Variants in MGAT4A observed in about 807,000 individuals in gnomAD.
MGAT4A encodes the protein N-acetylglucosaminyltransferase IVa.
MGAT4A carries 33 observed loss-of-function variants against 74.1 expected under a neutral mutation model. The observed-to-expected ratio is 0.45, with a 90% CI of 0.34 to 0.60. The LOEUF is 0.60. Ranked by LOEUF, MGAT4A falls within the 20% of genes least tolerant of loss-of-function variation. The pLI, the probability that MGAT4A is intolerant of heterozygous loss-of-function variation, is 0.02. For synonymous variants in MGAT4A, 198 were observed against 210.4 expected (o/e 0.94, Z 0.51); for missense variants, 479 against 628.3 (o/e 0.76, Z 2.54).
chr2:98,625,859 G>A (rs765565058), intron 14 of MGAT4A, 24 bp from the exon 15 acceptor site: 2 of 1,518,440 alleles, frequency 1.3e-6, no homozygotes, highest in Admixed American at 3.4e-5. Context: ...ATCAATACTT[G>A]TTGGATACAC....
rs917823423 is a variant in MGAT4A, at chr2:98,622,048, G to A, written c.*3518C>T. ...CTGACTACACAGTATGGTACAGCGC[G>A]TGATGTGGAGAATGCATGAGACTAA... On this transcript the variant is annotated 3_prime_UTR_variant, in exon 16 of 16. Transcript: ENST00000393487. 3.3e-5 allele frequency: 33 copies of A among 985,328 alleles called. 2 individuals are homozygous for A. Among genetic ancestry groups the A allele is most frequent in the Middle Eastern group, 1.0e-3 (2 of 1,936 alleles). 61.0% of individuals were successfully genotyped at this position (985,328 alleles called of 1,614,324 possible).
chr2:98,644,350 G>A (rs546714994), intron 9 of MGAT4A, among the ~76,000 whole-genome samples: 11 of 152,242 alleles, frequency 7.2e-5, no homozygotes, highest in East Asian at 1.9e-4. Flanking sequence ...TTTTCCCTTC[G>A]TGTCTTACTA....
chr2:98,689,339 G>A (rs774519048), intron 2 of MGAT4A, among the ~76,000 whole-genome samples: 1 of 152,182 alleles, frequency 6.6e-6, no homozygotes, highest in Non-Finnish European at 1.5e-5. Context: ...AAAGCAGGTA[G>A]TATCACTATA....
rs1473282164 is a variant in MGAT4A, at chr2:98,624,937, C to G, written c.*629G>C. 3 of 984,978 alleles carry G rather than the reference C, an allele frequency of 3.0e-6. No homozygotes were observed. The East Asian group carries it at 3.4e-4, about 112-fold the overall frequency. 61.0% of individuals were successfully genotyped at this position (984,978 alleles called of 1,614,324 possible). A position where few individuals can be genotyped will look rare whatever the true frequency, so the allele number is the denominator to read the frequency against. On this transcript the variant is annotated 3_prime_UTR_variant, in exon 16 of 16. Coordinates refer to ENST00000393487, the MANE Select transcript of MGAT4A (RefSeq NM_012214.3). ...TATAAAAGTACTTCAATTAAGAAAT[C>G]CATCTATAATCAATCTTAAATGGCA...
intron 2 of MGAT4A, among the ~76,000 whole-genome samples, chr2:98,717,777 C>T (rs1322560984): frequency 1.3e-5 from 2 of 152,202 alleles, no homozygotes; most frequent in Non-Finnish European, 2.9e-5. Context: ...TCCTACACTA[C>T]GGCAAGGATA....
intron 14 of MGAT4A, among the ~76,000 whole-genome samples, chr2:98,626,087 A>G (rs1231495115): frequency 6.6e-6 from 1 of 152,224 alleles, no homozygotes; most frequent in Non-Finnish European, 1.5e-5. Context: ...ACAAATTAAA[A>G]AACAAAAATA....
intron 2 of MGAT4A, among the ~76,000 whole-genome samples, chr2:98,722,964 C>T (rs1041890313): frequency 2.1e-4 from 32 of 152,286 alleles, no homozygotes; most frequent in Non-Finnish European, 1.0e-4. Context: ...ACTCCTGCCC[C>T]ACTCTCACAA....
At chr2:98,728,593 C>A (rs1283603941) in intron 1 of MGAT4A, among the ~76,000 whole-genome samples, 1 of 151,870 alleles carries the variant, frequency 6.6e-6, no homozygotes, top group South Asian at 2.1e-4. Flanking sequence ...ATTAAAAATA[C>A]AAAAATTAGC....
chr2:98,662,860 T>C lies in MGAT4A; in HGVS notation c.537+186A>G, dbSNP rs72825745. ...TATTGACAACAAATATTACTATTCC[T>C]GGTTTGTAATTGCAGGACAGAAGTG... On this transcript the variant is annotated intron_variant, in intron 5 of 15. Transcript: ENST00000393487. Among the ~76,000 whole-genome samples, 1,396 of 152,342 alleles carry C rather than the reference T, an allele frequency of 9.2e-3. 8 individuals are homozygous for C. Among genetic ancestry groups the C allele is most frequent in the Non-Finnish European group, 0.015 (1,001 of 68,036 alleles).
intron 2 of MGAT4A, among the ~76,000 whole-genome samples, chr2:98,682,347 G>A (rs1353656683): frequency 6.7e-6 from 1 of 150,316 alleles, no homozygotes; most frequent in African/African-American, 2.5e-5. Flanking sequence ...GCTTGAACCC[G>A]GGAGGCAGAG....
intron 2 of MGAT4A, among the ~76,000 whole-genome samples, chr2:98,705,469 A>G (rs1702411864): frequency 6.6e-6 from 1 of 152,126 alleles, no homozygotes; most frequent in Admixed American, 6.5e-5. Flanking sequence ...GACGGTTCCA[A>G]TTTACAACTG....
chr2:98,636,567 G>A lies in MGAT4A; in HGVS notation c.1351C>T (p.His451Tyr). 6.2e-7 allele frequency: 1 copy of A among 1,613,824 alleles called. No individual in the cohort carries two copies. The highest frequency in any genetic ancestry group is 8.5e-7 in the Non-Finnish European group (1 of 1,179,746). ...SYLFHSGNQE[H>Y]PGDILLNTTV... ...GTGTTTAGCAGAATATCTCCAGGAT[G>A]TTCTTGGTTGCCGCTATGGAACAAA... The change falls in exon 13 of 16, where the codon CAT (histidine) becomes TAT (tyrosine). Residue 451 changes from histidine (H) to tyrosine (Y), a missense_variant. His to Tyr is a moderately conservative substitution (Grantham distance 83). Around this residue, in one of 3 missense-constraint regions of MGAT4A, gnomAD observed 236 missense variants for 308.2 expected, o/e 0.77. Transcript: ENST00000393487.
intron 10 of MGAT4A, among the ~76,000 whole-genome samples, chr2:98,641,990 T>C (rs1026498612): frequency 8.1e-5 from 12 of 147,568 alleles, no homozygotes; most frequent in African/African-American, 2.3e-4. Context: ...AGCAAAACTC[T>C]GTCTCAAAAA....
intron 1 of MGAT4A, chr2:98,726,948 A>T (rs1026433180): frequency 6.6e-6 from 1 of 152,076 alleles, no homozygotes; most frequent in Non-Finnish European, 1.5e-5. Context: ...ATAATAGGAA[A>T]TTTTTTTAAT....
At position 98,726,421 on chromosome 2, in the gene MGAT4A, T is replaced by A; in HGVS notation, c.-89A>T. 1 of 1,029,572 alleles carries A rather than the reference T, an allele frequency of 9.7e-7. No individual in the cohort carries two copies. The highest frequency in any genetic ancestry group is 1.5e-6 in the Non-Finnish European group (1 of 687,964). The allele number at this position is 1,029,572 out of a possible 1,614,324, so 63.8% of individuals were successfully genotyped here. On this transcript the variant is annotated 5_prime_UTR_variant, in exon 2 of 16. Coordinates refer to ENST00000393487, the MANE Select transcript of MGAT4A (RefSeq NM_012214.3). ...TACCCTGAAAGTCAACTGAATGCAG[T>A]ACTCCTGGCTCTAGGCCAATAAAAA...
At chr2:98,676,946 G>C (rs546895421) in intron 3 of MGAT4A, among the ~76,000 whole-genome samples, 1 of 152,324 alleles carries the variant, frequency 6.6e-6, no homozygotes, top group Admixed American at 6.5e-5. Context: ...ATAATGCAAA[G>C]TTTATCAGCA....
At position 98,671,624 on chromosome 2, in the gene MGAT4A, CT is replaced by C. The variant is rs1412162127; in HGVS notation, c.403+3410del. Reference sequence around the variant, plus strand: ...TGCTCTTTCCGTCTTCTGGAATATTCTTTTTTTCCCCATTGTGATGGAGAGA... The same window carrying C: ...TGCTCTTTCCGTCTTCTGGAATATTCTTTTTTCCCCATTGTGATGGAGAGA... On this transcript the variant is annotated intron_variant, in intron 4 of 15. Coordinates refer to ENST00000393487, the MANE Select transcript of MGAT4A (RefSeq NM_012214.3). Among the ~76,000 whole-genome samples the C allele has an allele frequency of 9.2e-5, 14 of 152,206 alleles. 2 individuals are homozygous for C. Among genetic ancestry groups the C allele is most frequent in the African/African-American group, 3.4e-4 (14 of 41,538 alleles).
chr2:98,630,346 A>C (rs958234933), intron 14 of MGAT4A, among the ~76,000 whole-genome samples: 1 of 152,210 alleles, frequency 6.6e-6, no homozygotes, highest in South Asian at 2.1e-4. Flanking sequence ...CCACAGAAAG[A>C]TATTTATATC....
chr2:98,665,212 C>T (rs1299578331), intron 4 of MGAT4A, among the ~76,000 whole-genome samples: 1 of 151,476 alleles, frequency 6.6e-6, no homozygotes, highest in Non-Finnish European at 1.5e-5. Flanking sequence ...GCCTGTAGTC[C>T]CAGCTACTCA....
Sources: gnomAD v4.1 joint callset for allele counts (sites outside exome capture counted in the v4.1 genomes callset) on GRCh38, gnomAD v4.1.1 for gene constraint, gnomAD v4.1.1 regional missense constraint, MANE v1.5 for transcripts, NCBI Gene and HGNC (gene_info 2026-07-23, HGNC 2026-07-21) for gene names.